The following KIF13B variants were observed in gnomAD, a reference collection of about 807,000 sequenced individuals.
KIF13B encodes kinesin-like protein KIF13B.
A neutral mutation model predicts 222.0 loss-of-function variants in KIF13B; 127 were observed. The observed-to-expected ratio is 0.57, with a 90% confidence interval of 0.50 to 0.66. The LOEUF (loss-of-function observed/expected upper bound fraction) is 0.66, where lower values mean the gene tolerates loss of function less well. KIF13B is among the 30% of genes least tolerant of loss of function. The pLI, the probability that KIF13B is intolerant of heterozygous loss-of-function variation, is 0.00. For synonymous variants in KIF13B, 976 were observed against 919.0 expected (o/e 1.06, Z -1.12); for missense variants, 2,173 against 2,379.0 (o/e 0.91, Z 1.80).
At chr8:29,194,159 T>C (rs1377406385) in intron 3 of KIF13B, among the ~76,000 whole-genome samples, 1 of 152,028 alleles carries the variant, frequency 6.6e-6, no homozygotes, top group Non-Finnish European at 1.5e-5. Context: ...TTATTTTTCA[T>C]AGTTTTTTAA....
intron 2 of KIF13B, among the ~76,000 whole-genome samples, chr8:29,200,332 C>G (rs772444164): frequency 6.6e-6 from 1 of 152,318 alleles, no homozygotes; most frequent in Admixed American, 6.5e-5. Context: ...TTAGAAACCT[C>G]AACTATCCAG....
At chr8:29,261,645 G>C (rs925764973) in intron 1 of KIF13B, among the ~76,000 whole-genome samples, 2 of 152,044 alleles carry the variant, frequency 1.3e-5, no homozygotes, top group African/African-American at 4.8e-5. Flanking sequence ...TTGTATCGAC[G>C]TTTATTGTGT....
intron 3 of KIF13B, among the ~76,000 whole-genome samples, chr8:29,191,407 A>C (rs1169789682): frequency 6.6e-6 from 1 of 152,184 alleles, no homozygotes; most frequent in Non-Finnish European, 1.5e-5. Flanking sequence ...TTGTAGTCAA[A>C]GAAAAAGATA....
chr8:29,171,401 A>T (rs974400533), intron 10 of KIF13B, among the ~76,000 whole-genome samples: 2 of 152,152 alleles, frequency 1.3e-5, no homozygotes, highest in Non-Finnish European at 2.9e-5. Context: ...AGAGCACAAC[A>T]CAATTACAAC....
rs569705151 is a variant in KIF13B, at chr8:29,087,039, G to A, written c.4458+5706C>T. On this transcript the variant is annotated intron_variant, in intron 37 of 39. Coordinates refer to ENST00000524189, the MANE Select transcript of KIF13B (RefSeq NM_015254.4). ...GAGCCGTAGCCACGCCAGTGTGTGC[G>A]CAGGGCAGTCCAGCCACCGTCATCA... is the stretch of plus-strand genomic sequence containing the variant. Among the ~76,000 whole-genome samples, 34 of 152,346 alleles carry A rather than the reference G, an allele frequency of 2.2e-4. No individual in the cohort carries two copies. In the East Asian group the frequency reaches 5.6e-3, roughly 25 times the overall value.
chr8:29,229,715 C>T (rs1815199909), intron 2 of KIF13B, among the ~76,000 whole-genome samples: 1 of 152,144 alleles, frequency 6.6e-6, no homozygotes, highest in African/African-American at 2.4e-5. Context: ...CAATATTATG[C>T]AAATTGATGC....
chr8:29,200,517 A>AGG (rs1452263778), intron 2 of KIF13B, among the ~76,000 whole-genome samples: 6 of 152,228 alleles, frequency 3.9e-5, no homozygotes, highest in Non-Finnish European at 7.3e-5. Flanking sequence ...AAAATAGTAC[A>AGG]AAAAAATCCT....
intron 20 of KIF13B, 66 bp downstream of exon 20, chr8:29,140,402 C>G (rs1663620194): frequency 6.6e-7 from 1 of 1,518,560 alleles, no homozygotes; most frequent in Non-Finnish European, 9.0e-7. Flanking sequence ...CAACAATATC[C>G]CATCACCACC....
chr8:29,122,202 C>T (rs1314081549), intron 29 of KIF13B, among the ~76,000 whole-genome samples: 5 of 151,700 alleles, frequency 3.3e-5, no homozygotes, highest in Admixed American at 6.6e-5. Context: ...TGCAGTGAGC[C>T]GAGATCACAC....
At position 29,083,853 on chromosome 8, in the gene KIF13B, T is replaced by C. The variant is rs1289604835; in HGVS notation, c.4459-8510A>G. On this transcript the variant is annotated intron_variant, in intron 37 of 39. Transcript: ENST00000524189. ...ACAGAGAAAATGCTCATATATGTTA[T>C]TTTTTAAATAACCTGAAAGTTTAAG... Among the ~76,000 whole-genome samples the C allele has an allele frequency of 2.0e-5, 3 of 152,178 alleles. No individual in the cohort carries two copies. In the East Asian group the frequency reaches 5.8e-4, roughly 29 times the overall value.
At chr8:29,252,485 G>A (rs1816321017) in intron 1 of KIF13B, among the ~76,000 whole-genome samples, 1 of 152,090 alleles carries the variant, frequency 6.6e-6, no homozygotes, top group South Asian at 2.1e-4. Flanking sequence ...AGAAACATAG[G>A]TGTACCTCCC....
At chr8:29,189,271 T>C (rs527756884) in intron 4 of KIF13B, 2 of 152,050 alleles carry the variant, frequency 1.3e-5, no homozygotes, top group South Asian at 4.2e-4. Flanking sequence ...GGGTATTCCA[T>C]TATGTCTCAT....
At chr8:29,155,622 C>A in intron 14 of KIF13B, 104 bp downstream of exon 14, 1 of 973,454 alleles carries the variant, frequency 1.0e-6, no homozygotes, top group South Asian at 1.5e-5. Context: ...AACTGGATTA[C>A]TTAATGTGGT....
chr8:29,206,635 TAGTC>T (rs1813954956), intron 2 of KIF13B, among the ~76,000 whole-genome samples: 1 of 152,188 alleles, frequency 6.6e-6, no homozygotes, highest in Non-Finnish European at 1.5e-5. Flanking sequence ...TTCCTTCTGA[TAGTC>T]ATTCATTCAG....
At position 29,099,114 on chromosome 8, in the gene KIF13B, A is replaced by G; in HGVS notation, c.4324+19T>C. ...GCTCAGATTTCTGACAGTAATTGAC[A>G]AGTGAAAAGATAACTTACCTGGATC... On this transcript the variant is annotated intron_variant, in intron 36 of 39. Coordinates refer to ENST00000524189, the MANE Select transcript of KIF13B (RefSeq NM_015254.4). 1.3e-6 allele frequency: 2 copies of G among 1,543,830 alleles called. No individual in the cohort carries two copies. Among genetic ancestry groups the G allele is most frequent in the South Asian group, 2.2e-5 (2 of 89,598 alleles).
intron 7 of KIF13B, among the ~76,000 whole-genome samples, chr8:29,180,797 A>AG (rs1167574269): frequency 6.6e-6 from 1 of 152,142 alleles, no homozygotes; most frequent in African/African-American, 2.4e-5. Flanking sequence ...TACAATAGGA[A>AG]GGTCAAGGGA....
chr8:29,127,320 A>C (rs1810157913), intron 24 of KIF13B, 52 bp from the exon 25 acceptor site: 1 of 1,568,406 alleles, frequency 6.4e-7, no homozygotes. Context: ...ATTTCCAAAA[A>C]TTTGATTTAG....
In KIF13B at chr8:29,160,849, C is replaced by A. The variant is rs750045090; in HGVS notation, c.1288G>T (p.Glu430Ter). 1 of 1,613,448 alleles carries A rather than the reference C, an allele frequency of 6.2e-7. No homozygotes were observed. The highest frequency in any genetic ancestry group is 8.5e-7 in the Non-Finnish European group (1 of 1,179,604). Residue 430 changes from glutamate to a stop codon, truncating the protein, a stop_gained, in exon 13 of 40, where the codon GAG becomes TAG. Coordinates refer to ENST00000524189, the MANE Select transcript of KIF13B (RefSeq NM_015254.4). LOFTEE classifies it high-confidence loss of function. Reference protein sequence around the residue: ...EIAQERQKQLESLGISLQSSG... With the variant: ...EIAQERQKQL ...GACTGAAGAGATATTCCAAGACTCT[C>A]AAGCTGTTTCTGTCGTTCCTGTAAA...
intron 1 of KIF13B, among the ~76,000 whole-genome samples, chr8:29,256,040 T>C (rs936598927): frequency 1.5e-4 from 23 of 152,334 alleles, no homozygotes; most frequent in Admixed American, 5.9e-4. Flanking sequence ...ATATTCACAA[T>C]GGCCTTCTGG....
Sources: allele counts gnomAD v4.1 joint callset (sites outside exome capture counted in the v4.1 genomes callset), GRCh38; gene constraint gnomAD v4.1.1; transcripts MANE v1.5; gene names NCBI Gene and HGNC (gene_info 2026-07-23, HGNC 2026-07-21).